ERCC6: variants seen among roughly 807,000 people sequenced by gnomAD.
The protein encoded by ERCC6 is ERCC excision repair 6, chromatin remodeling factor.
In ERCC6, 116 loss-of-function variants were observed where a neutral mutation model predicts 158.7. The ratio of observed to expected loss-of-function variants is 0.73; its 90% CI spans 0.63 to 0.85. The LOEUF is 0.85. Ranked by LOEUF, ERCC6 falls within the 40% of genes least tolerant of loss-of-function variation. The pLI, the probability that ERCC6 is intolerant of heterozygous loss-of-function variation, is 0.00. For synonymous variants in ERCC6, 678 were observed against 659.3 expected (o/e 1.03, Z -0.43); for missense variants, 1,698 against 1,799.4 (o/e 0.94, Z 1.02).
chr10:49,467,495 T>G (rs1420681338), intron 18 of ERCC6, among the ~76,000 whole-genome samples: 1 of 152,204 alleles, frequency 6.6e-6, no homozygotes, highest in Non-Finnish European at 1.5e-5. Context: ...TTTCATATAT[T>G]TATTTGCCAT....
chr10:49,466,701 G>A (rs945467625), intron 18 of ERCC6, among the ~76,000 whole-genome samples: 20 of 152,264 alleles, frequency 1.3e-4, no homozygotes, highest in South Asian at 2.1e-4. Flanking sequence ...TTATGCAAAC[G>A]GCATCAGAGT....
At chr10:49,500,774 G>T in intron 6 of ERCC6, 78 bp from the exon 7 acceptor site, 1 of 1,496,624 alleles carries the variant, frequency 6.7e-7, no homozygotes, top group Non-Finnish European at 9.2e-7. Context: ...AAGTACTCAT[G>T]AATTAATCAT....
At chr10:49,480,576 A>T (rs1850961389) in intron 10 of ERCC6, among the ~76,000 whole-genome samples, 1 of 152,026 alleles carries the variant, frequency 6.6e-6, no homozygotes, top group Admixed American at 6.6e-5. Flanking sequence ...AACTTCAAGG[A>T]AAAAAACAGA....
intron 5 of ERCC6, among the ~76,000 whole-genome samples, chr10:49,518,309 G>A (rs1429241483): frequency 5.3e-5 from 8 of 152,206 alleles, no homozygotes; most frequent in Non-Finnish European, 1.0e-4. Context: ...GTCCGAGTCT[G>A]CTGCAGCAAA....
chr10:49,468,885 G>C (rs1850723171), intron 18 of ERCC6, among the ~76,000 whole-genome samples: 1 of 152,118 alleles, frequency 6.6e-6, no homozygotes, highest in African/African-American at 2.4e-5. Flanking sequence ...GGACATACCA[G>C]AGGGACAAAG....
Position 49,473,023 on chromosome 10 carries a change from T to G in ERCC6, c.2715A>C (p.Thr905=). ...TGGTCAGAAGAAACACAAATATGGATGTGTCCTAGAGGTAAGACACACAAC... is the reference window on the plus strand; with the variant it reads ...TGGTCAGAAGAAACACAAATATGGAGGTGTCCTAGAGGTAAGACACACAAC... ...QPLITRYNED[T]SIFVFLLTTR... is the part of the protein sequence containing the mutation. The change falls in exon 15 of 21, where the codon ACA becomes ACC. Residue 905 remains threonine (T), a synonymous_variant. Coordinates refer to ENST00000355832, the MANE Select transcript of ERCC6 (RefSeq NM_000124.4). The G allele has an allele frequency of 6.2e-7, 1 of 1,614,120 alleles. No homozygotes were observed. Among genetic ancestry groups the G allele is most frequent in the Non-Finnish European group, 8.5e-7 (1 of 1,180,022 alleles).
chr10:49,537,959 T>C (rs1837641967), intron 1 of ERCC6, among the ~76,000 whole-genome samples: 1 of 152,148 alleles, frequency 6.6e-6, no homozygotes, highest in South Asian at 2.1e-4. Context: ...TGACCTCGGG[T>C]GATCCACCCA....
chr10:49,437,057 G>A, the ERCC6 span, among the ~76,000 whole-genome samples: 1 of 152,110 alleles, frequency 6.6e-6, no homozygotes, highest in Non-Finnish European at 1.5e-5. Context: ...CATGGGGGGT[G>A]GTTTCCCCCA....
chr10:49,445,244 C>T, the ERCC6 span, among the ~76,000 whole-genome samples: 2 of 152,238 alleles, frequency 1.3e-5, no homozygotes. Flanking sequence ...ATGCTTCACA[C>T]ATGCAAAGCA....
chr10:49,517,172 G>C, intron 5 of ERCC6: 3 of 1,509,024 alleles, frequency 2.0e-6, no homozygotes, highest in Non-Finnish European at 2.7e-6. Context: ...GTTTTGCCTA[G>C]TGTTCCAAAA....
At chr10:49,515,125 T>C (rs1836907466) in intron 5 of ERCC6, 1 of 1,185,388 alleles carries the variant, frequency 8.4e-7, no homozygotes. Flanking sequence ...CCCATTTATG[T>C]CTGAGGTTAC....
At chr10:49,444,175 C>A in the ERCC6 span, among the ~76,000 whole-genome samples, 2 of 152,306 alleles carry the variant, frequency 1.3e-5, no homozygotes, top group South Asian at 2.1e-4. Flanking sequence ...CTGCCCCAGA[C>A]ATTTCTGTGG....
At chr10:49,476,710 G>C (rs1427659593) in intron 11 of ERCC6, among the ~76,000 whole-genome samples, 2 of 152,034 alleles carry the variant, frequency 1.3e-5, no homozygotes, top group African/African-American at 4.8e-5. Context: ...CCCTCTCCTG[G>C]AGCTCTAAGT....
At position 49,459,232 on chromosome 10, in the gene ERCC6, A is replaced by C. The variant is rs34917815; in HGVS notation, c.4065T>G (p.Asp1355Glu). ...CTTTTCCCTCCTTTTTCATGATGCC[A>C]TCCTATAAAAAGAAGACCACTATAC... ...SSTSPTEKCQ[D>E]GIMKKEGKDN... Residue 1355 changes from aspartate (D) to glutamate (E), a missense_variant and splice_region_variant, in exon 21 of 21, where the codon GAT (aspartate) becomes GAG (glutamate). By Grantham distance (45) the Asp-to-Glu change is conservative. Coordinates refer to ENST00000355832, the MANE Select transcript of ERCC6 (RefSeq NM_000124.4). The C allele has an allele frequency of 4.5e-4, 731 of 1,613,900 alleles. 1 individual carries two copies. In the African/African-American group the frequency reaches 7.0e-3, roughly 15 times the overall value.
At position 49,470,062 on chromosome 10, in the gene ERCC6, G is replaced by C. The variant is rs114159712; in HGVS notation, c.3778+120C>G. On this transcript the variant is annotated intron_variant, in intron 18 of 20. Transcript: ENST00000355832. Reference sequence around the variant, plus strand: ...TATATTTCAAATCTAAATTTTTGAAGAAAAACACTAATGGCTGACAGCCCT... The same window carrying C: ...TATATTTCAAATCTAAATTTTTGAACAAAAACACTAATGGCTGACAGCCCT... 849 of 911,510 alleles carry C rather than the reference G, an allele frequency of 9.3e-4. 8 individuals are homozygous for C. The African/African-American group carries it at 0.013, about 14-fold the overall frequency. 56.5% of individuals were successfully genotyped at this position (911,510 alleles called of 1,614,324 possible). A position where few individuals can be genotyped will look rare whatever the true frequency, so the allele number is the denominator to read the frequency against.
At chr10:49,536,579 T>C (rs975713583) in intron 1 of ERCC6, among the ~76,000 whole-genome samples, 5 of 152,050 alleles carry the variant, frequency 3.3e-5, no homozygotes, top group South Asian at 2.1e-4. Flanking sequence ...GGAGACAAAG[T>C]TGGCACTGGG....
At chr10:49,498,642 C>CATTATAG (rs1325025338) in intron 7 of ERCC6, among the ~76,000 whole-genome samples, 1 of 152,160 alleles carries the variant, frequency 6.6e-6, no homozygotes, top group African/African-American at 2.4e-5. Context: ...CACATTATTT[C>CATTATAG]ATTATAGAGA....
intron 2 of ERCC6, among the ~76,000 whole-genome samples, chr10:49,531,664 C>A (rs934530381): frequency 1.3e-5 from 2 of 152,134 alleles, no homozygotes; most frequent in Non-Finnish European, 2.9e-5. Context: ...TAACCATGAA[C>A]GAGCACCTGC....
At chr10:49,435,376 A>G in the ERCC6 span, among the ~76,000 whole-genome samples, 2 of 152,254 alleles carry the variant, frequency 1.3e-5, no homozygotes, top group African/African-American at 2.4e-5. Context: ...CCTAATAAAC[A>G]GTCACAGAAC....
Sources: gnomAD v4.1 joint callset for allele counts (sites outside exome capture counted in the v4.1 genomes callset) on GRCh38, gnomAD v4.1.1 for gene constraint, MANE v1.5 for transcripts, NCBI Gene and HGNC (gene_info 2026-07-23, HGNC 2026-07-21) for gene names.